Variants in EFCAB6 observed in about 807,000 individuals in gnomAD.
EFCAB6 encodes EF-hand calcium-binding domain-containing protein 6.
EFCAB6 carries 156 observed loss-of-function variants against 169.8 expected under a neutral mutation model. The observed-to-expected ratio is 0.92, with a 90% CI of 0.81 to 1.05. The LOEUF (loss-of-function observed/expected upper bound fraction) is 1.05, where lower values mean the gene tolerates loss of function less well. EFCAB6 is among the 50% of genes least tolerant of loss of function. The pLI, the probability that EFCAB6 is intolerant of heterozygous loss-of-function variation, is 0.00. For synonymous variants in EFCAB6, 698 were observed against 676.4 expected, an observed-to-expected ratio of 1.03 and a Z score of -0.50; for missense variants, 1,800 against 1,829.1, an observed-to-expected ratio of 0.98 and a Z score of 0.29.
At chr22:43,549,479 A>C (rs575602891) in intron 27 of EFCAB6, among the ~76,000 whole-genome samples, 1 of 152,356 alleles carries the variant, frequency 6.6e-6, no homozygotes, top group South Asian at 2.1e-4. Flanking sequence ...TAAGTCACCC[A>C]AACTGACAAA....
At chr22:43,608,691 T>G in intron 21 of EFCAB6, 91 bp from the exon 22 acceptor site, 1 of 1,214,086 alleles carries the variant, frequency 8.2e-7, no homozygotes, top group Non-Finnish European at 1.2e-6. Context: ...TGGGAAACTC[T>G]AAGGCATCTG....
At chr22:43,679,431 T>C (rs949483289) in intron 12 of EFCAB6, among the ~76,000 whole-genome samples, 1 of 152,382 alleles carries the variant, frequency 6.6e-6, no homozygotes, top group African/African-American at 2.4e-5. Flanking sequence ...AAATTGTGAA[T>C]AATGTTGTTA....
At chr22:43,635,672 G>T (rs962453453) in intron 17 of EFCAB6, among the ~76,000 whole-genome samples, 1 of 152,252 alleles carries the variant, frequency 6.6e-6, no homozygotes, top group East Asian at 1.9e-4. Flanking sequence ...CATGAAAAGC[G>T]GCTGTGTTTT....
chr22:43,784,676 TACACACACACAC>T (rs571679900), intron 2 of EFCAB6, among the ~76,000 whole-genome samples: 34 of 63,130 alleles, frequency 5.4e-4, no homozygotes, highest in African/African-American at 1.3e-3. Context: ...TATACATATA[TACACACACACAC>T]ACACACACAC....
intron 1 of EFCAB6, among the ~76,000 whole-genome samples, chr22:43,811,376 G>GA: frequency 8.1e-6 from 1 of 122,912 alleles, no homozygotes; most frequent in Non-Finnish European, 1.7e-5. Context: ...GAAGGGAAGG[G>GA]AGGGGAGGGG....
chr22:43,599,565 A>ACACCTTCC (rs1395322164), intron 23 of EFCAB6, among the ~76,000 whole-genome samples: 10 of 137,474 alleles, frequency 7.3e-5, no homozygotes, highest in African/African-American at 2.7e-4. Flanking sequence ...ACTGCAGGTC[A>ACACCTTCC]CACCTTCCCG....
chr22:43,622,235 A>G (rs149834160), intron 20 of EFCAB6, among the ~76,000 whole-genome samples: 2 of 152,318 alleles, frequency 1.3e-5, no homozygotes, highest in Admixed American at 1.3e-4. Context: ...TTATTCTTAG[A>G]TGTCTTACAA....
chr22:43,638,849 G>C (rs939884516), intron 17 of EFCAB6, among the ~76,000 whole-genome samples: 12 of 148,880 alleles, frequency 8.1e-5, no homozygotes, highest in African/African-American at 3.0e-4. Flanking sequence ...GCAATGGTGC[G>C]ATCTCGGCTC....
intron 31 of EFCAB6, 59 bp downstream of exon 31, chr22:43,530,756 G>A: frequency 6.2e-7 from 1 of 1,602,396 alleles, no homozygotes; most frequent in Non-Finnish European, 8.5e-7. Context: ...GGAAGTTTCT[G>A]GCCGCTGGCA....
intron 8 of EFCAB6, 24 bp downstream of exon 8, chr22:43,731,675 G>T: frequency 7.1e-7 from 1 of 1,410,786 alleles, no homozygotes; most frequent in African/African-American, 1.4e-5. Flanking sequence ...GAAATCTTTA[G>T]CTATATACTT....
At chr22:43,624,200 C>A (rs559663572) in intron 20 of EFCAB6, among the ~76,000 whole-genome samples, 1 of 152,190 alleles carries the variant, frequency 6.6e-6, no homozygotes, top group Non-Finnish European at 1.5e-5. Flanking sequence ...CAACACAGGG[C>A]ATGGCCAGGG....
At chr22:43,586,581 T>G (rs1293033327) in intron 24 of EFCAB6, among the ~76,000 whole-genome samples, 1 of 152,042 alleles carries the variant, frequency 6.6e-6, no homozygotes, top group Non-Finnish European at 1.5e-5. Flanking sequence ...AGAAGGCAAT[T>G]AGCTCAAGTT....
At chr22:43,621,845 A>C (rs2054135575) in intron 20 of EFCAB6, among the ~76,000 whole-genome samples, 1 of 152,230 alleles carries the variant, frequency 6.6e-6, no homozygotes, top group African/African-American at 2.4e-5. Context: ...GTGATAAATG[A>C]AATAAGGAAT....
At chr22:43,575,603 A>G (rs1464775758) in intron 26 of EFCAB6, among the ~76,000 whole-genome samples, 1 of 152,154 alleles carries the variant, frequency 6.6e-6, no homozygotes. Flanking sequence ...ACAACATTCA[A>G]TATAATATCA....
intron 21 of EFCAB6, among the ~76,000 whole-genome samples, chr22:43,614,160 T>G (rs1357706531): frequency 1.6e-5 from 1 of 63,034 alleles, no homozygotes; most frequent in Non-Finnish European, 2.8e-5. Flanking sequence ...AGACTCAGAA[T>G]AGCCAACACA....
intron 2 of EFCAB6, among the ~76,000 whole-genome samples, chr22:43,793,886 T>C (rs1446434249): frequency 6.6e-6 from 1 of 152,240 alleles, no homozygotes; most frequent in Non-Finnish European, 1.5e-5. Context: ...TTATTGTTAT[T>C]AATACCATTG....
rs2053877751 is a variant in EFCAB6, at chr22:43,618,232, GAA to G, written c.2466-2312_2466-2311del. 1.2e-4 allele frequency among the ~76,000 whole-genome samples: 18 copies of G among 151,106 alleles called. No individual in the cohort carries two copies. In the Admixed American group the frequency reaches 1.2e-3, roughly 10 times the overall value. On this transcript the variant is annotated intron_variant, in intron 20 of 31. Transcript: ENST00000262726. The stretch of plus-strand genomic sequence containing the variant: ...AAAGAAAGAAAGAAAGAGAAAGAAA[GAA>G]AGAGAGAGAAAGAGAAAGAAAGAAA...
intron 21 of EFCAB6, among the ~76,000 whole-genome samples, chr22:43,608,939 C>G (rs1490547446): frequency 6.6e-6 from 1 of 152,092 alleles, no homozygotes; most frequent in Non-Finnish European, 1.5e-5. Context: ...ATCCTCATCT[C>G]AATGATGGTT....
chr22:43,528,779 C>T lies in EFCAB6; in HGVS notation c.*74G>A. 2 of 1,479,558 alleles carry T rather than the reference C, an allele frequency of 1.4e-6. No homozygotes were observed. The highest frequency in any genetic ancestry group is 2.2e-4 in the Middle Eastern group (1 of 4,508). 91.7% of individuals were successfully genotyped at this position (1,479,558 alleles called of 1,614,324 possible). Reference sequence around the variant, plus strand: ...TTTTTTTTGAAAATTCATGAAACCCCCAAATTATAGGATTTTATTAGCCTT... The same window carrying T: ...TTTTTTTTGAAAATTCATGAAACCCTCAAATTATAGGATTTTATTAGCCTT... On this transcript the variant is annotated 3_prime_UTR_variant, in exon 32 of 32. Transcript: ENST00000262726.
Sources: gnomAD v4.1 joint callset for allele counts (sites outside exome capture counted in the v4.1 genomes callset) on GRCh38, gnomAD v4.1.1 for gene constraint, MANE v1.5 for transcripts, NCBI Gene and HGNC (gene_info 2026-07-23, HGNC 2026-07-21) for gene names.